SNX29: variants seen among roughly 807,000 people sequenced by gnomAD.
SNX29 encodes the protein sorting nexin-29.
A neutral mutation model predicts 102.1 loss-of-function variants in SNX29; 78 were observed. The ratio of observed to expected loss-of-function variants is 0.76; its 90% CI spans 0.64 to 0.92. The LOEUF (loss-of-function observed/expected upper bound fraction) is 0.92. SNX29 is among the 40% of genes least tolerant of loss of function. SNX29 has a pLI of 0.00. For missense variants in SNX29, 1,280 were observed against 1,061.7 expected (o/e 1.21, Z -2.86); for synonymous variants, 580 against 414.5 (o/e 1.40, Z -4.85).
intron 14 of SNX29, among the ~76,000 whole-genome samples, chr16:12,246,117 C>G (rs1271328772): frequency 6.6e-6 from 1 of 152,100 alleles, no homozygotes; most frequent in Non-Finnish European, 1.5e-5. Flanking sequence ...AGGTGATGAC[C>G]AAGAGGGTGT....
At chr16:12,106,532 G>A (rs912082644) in intron 11 of SNX29, among the ~76,000 whole-genome samples, 1 of 151,932 alleles carries the variant, frequency 6.6e-6, no homozygotes, top group African/African-American at 2.4e-5. Flanking sequence ...GCAGCGCAGT[G>A]GAATGATGAT....
At chr16:12,015,975 C>G (rs1596599166) in intron 3 of SNX29, among the ~76,000 whole-genome samples, 1 of 151,994 alleles carries the variant, frequency 6.6e-6, no homozygotes, top group Non-Finnish European at 1.5e-5. Context: ...AGCAATTCTC[C>G]TGTCTCAGCC....
chr16:12,538,013 A>C (rs977963634), intron 20 of SNX29, among the ~76,000 whole-genome samples: 2 of 151,046 alleles, frequency 1.3e-5, no homozygotes, highest in African/African-American at 4.9e-5. Flanking sequence ...ATTGTCTGCC[A>C]TTTATAGACC....
chr16:12,016,441 T>G (rs1402332802), intron 3 of SNX29, among the ~76,000 whole-genome samples: 1 of 152,238 alleles, frequency 6.6e-6, no homozygotes, highest in Non-Finnish European at 1.5e-5. Flanking sequence ...TTGCCAACAA[T>G]AATTTCACTG....
intron 19 of SNX29, among the ~76,000 whole-genome samples, chr16:12,488,878 G>T (rs893331334): frequency 4.6e-5 from 7 of 152,176 alleles, no homozygotes; most frequent in African/African-American, 1.7e-4. Context: ...ACTCATTTCA[G>T]GCTGAGTTCG....
chr16:12,460,139 G>C (rs997858470), intron 18 of SNX29, among the ~76,000 whole-genome samples: 1 of 152,136 alleles, frequency 6.6e-6, no homozygotes, highest in African/African-American at 2.4e-5. Context: ...GCTGAATCAC[G>C]ACCTCCCCAG....
chr16:12,538,979 G>C (rs1356412056), intron 20 of SNX29, among the ~76,000 whole-genome samples: 1 of 152,184 alleles, frequency 6.6e-6, no homozygotes, highest in Non-Finnish European at 1.5e-5. Flanking sequence ...TATAAATAGG[G>C]AGAAGATAGA....
At chr16:12,198,703 A>G (rs1004923807) in intron 13 of SNX29, among the ~76,000 whole-genome samples, 13 of 152,208 alleles carry the variant, frequency 8.5e-5, no homozygotes, top group African/African-American at 2.9e-4. Flanking sequence ...CTGGGTTCAG[A>G]TCTTACCAGT....
chr16:12,068,198 C>A (rs916039794), intron 9 of SNX29, among the ~76,000 whole-genome samples: 2 of 152,074 alleles, frequency 1.3e-5, no homozygotes, highest in Non-Finnish European at 2.9e-5. Flanking sequence ...TGTCACAGGC[C>A]AGGCACAGTT....
Position 12,568,684 on chromosome 16 carries a change from C to T in SNX29, c.*55C>T, listed in dbSNP as rs79920670. On this transcript the variant is annotated 3_prime_UTR_variant, in exon 21 of 21. Coordinates refer to ENST00000566228, the MANE Select transcript of SNX29 (RefSeq NM_032167.5). ...TGCGTGGCACCAGCTGCGTCCACCC[C>T]AGCCACTGCCGCTGGCCCCTCACCT... 1,678 of 1,583,550 alleles carry T rather than the reference C, an allele frequency of 1.1e-3. 14 individuals are homozygous for T. The African/African-American group carries it at 0.02, about 18-fold the overall frequency.
chr16:12,364,628 C>G (rs979372003), intron 16 of SNX29, among the ~76,000 whole-genome samples: 1 of 152,190 alleles, frequency 6.6e-6, no homozygotes, highest in South Asian at 2.1e-4. Context: ...AGACACAGCG[C>G]GGTGAAAGCT....
chr16:12,425,175 G>A (rs1049849337), intron 18 of SNX29, among the ~76,000 whole-genome samples: 1 of 152,236 alleles, frequency 6.6e-6, no homozygotes, highest in Admixed American at 6.5e-5. Context: ...TCCTCTGGGG[G>A]TATGGTGCAG....
At chr16:12,345,502 CTG>C (rs976084070) in intron 15 of SNX29, among the ~76,000 whole-genome samples, 1 of 152,220 alleles carries the variant, frequency 6.6e-6, no homozygotes, top group Non-Finnish European at 1.5e-5. Flanking sequence ...TATCATGGGT[CTG>C]TGGCCAGTTG....
intron 16 of SNX29, among the ~76,000 whole-genome samples, chr16:12,377,633 G>A (rs1430389051): frequency 1.3e-5 from 2 of 152,180 alleles, no homozygotes; most frequent in Non-Finnish European, 1.5e-5. Context: ...CGCCCGGTAC[G>A]TAGTAGGCAA....
At chr16:12,071,081 A>G (rs1179290433) in intron 10 of SNX29, among the ~76,000 whole-genome samples, 1 of 151,816 alleles carries the variant, frequency 6.6e-6, no homozygotes, top group Non-Finnish European at 1.5e-5. Flanking sequence ...CCTTTGTCAG[A>G]TGAGTAGGTT....
At chr16:12,167,502 A>G (rs550883660) in intron 13 of SNX29, among the ~76,000 whole-genome samples, 1 of 152,294 alleles carries the variant, frequency 6.6e-6, no homozygotes, top group Non-Finnish European at 1.5e-5. Context: ...CATCATCAAT[A>G]TGATCATCAT....
rs187767689 is a variant in SNX29 at position 12,531,522 on chromosome 16, C to T, written c.2318+6681C>T. The stretch of plus-strand genomic sequence containing the variant: ...GTGGGGCCCCACTGTCTCAGGTGTG[C>T]AGCACCATCTGCCCCGTGGTCCTCA... On this transcript the variant is annotated intron_variant, in intron 20 of 20. Coordinates refer to ENST00000566228, the MANE Select transcript of SNX29 (RefSeq NM_032167.5). 4.6e-5 allele frequency among the ~76,000 whole-genome samples: 7 copies of T among 152,330 alleles called. No homozygotes were observed. The East Asian group carries it at 1.2e-3, about 25-fold the overall frequency.
At chr16:12,091,676 A>C (rs540348225) in intron 11 of SNX29, among the ~76,000 whole-genome samples, 1 of 151,172 alleles carries the variant, frequency 6.6e-6, no homozygotes, top group Non-Finnish European at 1.5e-5. Context: ...AGCTACTTGG[A>C]AGTGAGCCCA....
chr16:12,458,552 G>C (rs1422835664), intron 18 of SNX29, among the ~76,000 whole-genome samples: 1 of 152,154 alleles, frequency 6.6e-6, no homozygotes, highest in Non-Finnish European at 1.5e-5. Flanking sequence ...CACTGGTCCT[G>C]TTTCTAGAGG....
Sources: allele counts gnomAD v4.1 joint callset (sites outside exome capture counted in the v4.1 genomes callset), GRCh38; gene constraint gnomAD v4.1.1; transcripts MANE v1.5; gene names NCBI Gene and HGNC (gene_info 2026-07-23, HGNC 2026-07-21).